DUSP5: variants seen among roughly 807,000 people sequenced by gnomAD.
DUSP5 encodes the protein dual specificity protein phosphatase 5.
DUSP5 carries 22 observed loss-of-function variants against 33.6 expected under a neutral mutation model. The ratio of observed to expected loss-of-function variants is 0.66; its 90% CI spans 0.47 to 0.94. The LOEUF is 0.94. Ranked by LOEUF, DUSP5 falls within the 40% of genes least tolerant of loss-of-function variation. The pLI, the probability that DUSP5 is intolerant of heterozygous loss-of-function variation, is 0.00. For synonymous variants in DUSP5, 270 were observed against 231.1 expected (o/e 1.17, Z -1.53); for missense variants, 551 against 522.1 (o/e 1.06, Z -0.54).
chr10:110,508,492 C>T (rs1290271638), intron 3 of DUSP5, among the ~76,000 whole-genome samples: 1 of 152,174 alleles, frequency 6.6e-6, no homozygotes, highest in East Asian at 1.9e-4. Flanking sequence ...GATGCTTTTT[C>T]TCCGATTGCT....
chr10:110,507,862 A>G (rs971371406), intron 3 of DUSP5, among the ~76,000 whole-genome samples: 1 of 152,108 alleles, frequency 6.6e-6, no homozygotes, highest in Non-Finnish European at 1.5e-5. Flanking sequence ...CCCATTTGGC[A>G]TCTTCTCCTC....
intron 2 of DUSP5, 46 bp downstream of exon 2, chr10:110,502,915 C>T (rs1320387037): frequency 1.9e-6 from 3 of 1,607,768 alleles, no homozygotes; most frequent in Admixed American, 1.7e-5. Context: ...GTATTCTGGG[C>T]TCCTGTCTCC....
rs1466864520 is a variant in DUSP5, at chr10:110,502,822, T to C, written c.481T>C (p.Cys161Arg). 2 of 1,614,040 alleles carry C rather than the reference T, an allele frequency of 1.2e-6. No homozygotes were observed. The highest frequency in any genetic ancestry group is 1.7e-5 in the Admixed American group (1 of 59,988). The change falls in exon 2 of 4, where the codon TGT (cysteine) becomes CGT (arginine). Residue 161 changes from cysteine (C) to arginine (R), a missense_variant. Around this residue, in one of 3 missense-constraint regions of DUSP5, gnomAD observed 381 missense variants for 310.4 expected, o/e 1.23. Coordinates refer to ENST00000369583, the MANE Select transcript of DUSP5 (RefSeq NM_004419.4). Reference protein sequence around the residue: ...IESERALISQCGKPVVNVSYR... With the variant: ...IESERALISQRGKPVVNVSYR... ...GAGTGAGAGAGCCCTCATCAGCCAG[T>C]GTGGAAAACCAGTGGTAAATGTCAG...
intron 2 of DUSP5, 74 bp from the exon 3 acceptor site, chr10:110,506,861 G>A (rs1488044063): frequency 8.9e-6 from 13 of 1,466,708 alleles, no homozygotes; most frequent in Admixed American, 8.6e-5. Context: ...CAAATAGGTC[G>A]GAGTTGTTTT....
chr10:110,507,813 T>C (rs146343226), intron 3 of DUSP5, among the ~76,000 whole-genome samples: 23 of 152,342 alleles, frequency 1.5e-4, no homozygotes, highest in Admixed American at 2.0e-4. Flanking sequence ...GGCTGTGGCC[T>C]TAGGGTTTCC....
At chr10:110,505,558 G>C (rs1304649656) in intron 2 of DUSP5, among the ~76,000 whole-genome samples, 4 of 152,160 alleles carry the variant, frequency 2.6e-5, no homozygotes, top group Non-Finnish European at 4.4e-5. Flanking sequence ...ATTGCCTGTG[G>C]CTGGCCCCTG....
intron 3 of DUSP5, among the ~76,000 whole-genome samples, chr10:110,509,601 A>G (rs1024604285): frequency 6.6e-6 from 1 of 152,180 alleles, no homozygotes; most frequent in African/African-American, 2.4e-5. Flanking sequence ...AGAAAAATGT[A>G]TGTGCCCAAT....
chr10:110,505,690 G>A (rs780982090), intron 2 of DUSP5, among the ~76,000 whole-genome samples: 7 of 152,178 alleles, frequency 4.6e-5, no homozygotes, highest in African/African-American at 1.2e-4. Context: ...CAAAGACACA[G>A]CCACTGTCAC....
chr10:110,503,774 G>A (rs1191129521), intron 2 of DUSP5, among the ~76,000 whole-genome samples: 2 of 152,210 alleles, frequency 1.3e-5, no homozygotes, highest in Non-Finnish European at 2.9e-5. Flanking sequence ...ATTATTTCAG[G>A]ACCTTGTTCT....
rs1348547116 is a variant in DUSP5 at position 110,510,983 on chromosome 10, C to A, written c.*557C>A. On this transcript the variant is annotated 3_prime_UTR_variant, in exon 4 of 4. Coordinates refer to ENST00000369583, the MANE Select transcript of DUSP5 (RefSeq NM_004419.4). ...TGAACCCTGAAATGTTGTGTAGACA[C>A]CCTCTTGGGTCCAATGAGGTAGTTG... is the stretch of plus-strand genomic sequence containing the variant. 1 of 152,956 alleles carries A rather than the reference C, an allele frequency of 6.5e-6. No individual in the cohort carries two copies. Among genetic ancestry groups the A allele is most frequent in the Non-Finnish European group, 1.5e-5 (1 of 68,356 alleles). 9.5% of individuals were successfully genotyped at this position (152,956 alleles called of 1,614,324 possible). A position where few individuals can be genotyped will look rare whatever the true frequency, so the allele number is the denominator to read the frequency against.
intron 2 of DUSP5, 73 bp from the exon 3 acceptor site, chr10:110,506,862 G>T: frequency 6.8e-7 from 1 of 1,474,298 alleles, no homozygotes; most frequent in Middle Eastern, 1.7e-4. Flanking sequence ...AAATAGGTCG[G>T]AGTTGTTTTT....
At position 110,502,788 on chromosome 10, in the gene DUSP5, G is replaced by A. The variant is rs758430527; in HGVS notation, c.447G>A (p.Glu149=). The change falls in exon 2 of 4, where the codon GAG becomes GAA. Residue 149 remains glutamate (E), a synonymous_variant. Coordinates refer to ENST00000369583, the MANE Select transcript of DUSP5 (RefSeq NM_004419.4). ...CCVDVKPISQ[E]KIESERALIS... ...TGGATGTAAAACCCATTTCACAAGA[G>A]AAGATTGAGAGTGAGAGAGCCCTCA... 3.7e-6 allele frequency: 6 copies of A among 1,614,182 alleles called. No individual in the cohort carries two copies. The highest frequency in any genetic ancestry group is 4.2e-6 in the Non-Finnish European group (5 of 1,180,022).
intron 1 of DUSP5, among the ~76,000 whole-genome samples, chr10:110,500,682 G>A (rs1295646534): frequency 1.3e-5 from 2 of 152,218 alleles, no homozygotes; most frequent in Non-Finnish European, 1.5e-5. Flanking sequence ...CCCTGGTGAT[G>A]TGGTGGTGAT....
intron 1 of DUSP5, among the ~76,000 whole-genome samples, 173 bp downstream of exon 1, chr10:110,498,673 T>C (rs1286950428): frequency 6.6e-6 from 1 of 152,026 alleles, no homozygotes; most frequent in Non-Finnish European, 1.5e-5. Context: ...CACTCAGAGC[T>C]CCCCCTCTTC....
Position 110,498,159 on chromosome 10 carries a change from A to T in DUSP5, c.38A>T (p.Lys13Met), listed in dbSNP as rs1357280395. The T allele has an allele frequency of 6.8e-7, 1 of 1,477,774 alleles. No homozygotes were observed. Among genetic ancestry groups the T allele is most frequent in the South Asian group, 1.2e-5 (1 of 83,006 alleles). 91.5% of individuals were successfully genotyped at this position (1,477,774 alleles called of 1,614,324 possible). The stretch of plus-strand genomic sequence containing the variant: ...TCGCTCGACGGGCGCCAGCTGCGCA[A>T]GATGCTCCGCAAGGAGGCGGCGGCG... ...VTSLDGRQLR[K>M]MLRKEAAARC... Residue 13 changes from lysine (K) to methionine (M), a missense_variant, in exon 1 of 4, where the codon AAG becomes ATG. This residue lies in a region of DUSP5 where 381 missense variants were observed against 310.4 expected (regional missense o/e 1.23). Coordinates refer to ENST00000369583, the MANE Select transcript of DUSP5 (RefSeq NM_004419.4).
intron 2 of DUSP5, among the ~76,000 whole-genome samples, chr10:110,503,730 G>A (rs189177127): frequency 3.0e-4 from 46 of 152,330 alleles, no homozygotes; most frequent in South Asian, 1.2e-3. Flanking sequence ...GCAGCATCAG[G>A]CTCAGAACCC....
Position 110,511,491 on chromosome 10 carries a change from T to C in DUSP5, c.*1065T>C, listed in dbSNP as rs567122256. 6.5e-6 allele frequency: 1 copy of C among 152,780 alleles called. No individual in the cohort carries two copies. Among genetic ancestry groups the C allele is most frequent in the Admixed American group, 6.5e-5 (1 of 15,304 alleles). The allele number at this position is 152,780 out of a possible 1,614,324, so 9.5% of individuals were successfully genotyped here. ...AAAAGCAGTATGTTACTGGTTGTTGTTGTTGTTCTTGTTTTTTATAGTGTA... is the reference window on the plus strand; with the variant it reads ...AAAAGCAGTATGTTACTGGTTGTTGCTGTTGTTCTTGTTTTTTATAGTGTA... On this transcript the variant is annotated 3_prime_UTR_variant, in exon 4 of 4. Transcript: ENST00000369583.
chr10:110,509,096 A>G (rs142483904), intron 3 of DUSP5, among the ~76,000 whole-genome samples: 2 of 152,302 alleles, frequency 1.3e-5, no homozygotes, highest in East Asian at 3.9e-4. Flanking sequence ...CTCACTAGCA[A>G]GAGAGGGAAT....
Position 110,498,076 on chromosome 10 carries a change from C to A in DUSP5, c.-46C>A. On this transcript the variant is annotated 5_prime_UTR_variant, in exon 1 of 4. Coordinates refer to ENST00000369583, the MANE Select transcript of DUSP5 (RefSeq NM_004419.4). ...CCGTGGACACCCTGGCCGTGGGCAC[C>A]CGCGGGGCGCGCGGCGCGGGGCCGC... The A allele has an allele frequency of 8.7e-7, 1 of 1,151,584 alleles. No individual in the cohort carries two copies. Among genetic ancestry groups the A allele is most frequent in the Non-Finnish European group, 1.1e-6 (1 of 943,280 alleles). 71.3% of individuals were successfully genotyped at this position (1,151,584 alleles called of 1,614,324 possible).
Sources: allele counts gnomAD v4.1 joint callset (sites outside exome capture counted in the v4.1 genomes callset), GRCh38; gene constraint gnomAD v4.1.1; regional missense constraint gnomAD v4.1.1; transcripts MANE v1.5; gene names NCBI Gene and HGNC (gene_info 2026-07-23, HGNC 2026-07-21).